TBC1D1: variants seen among roughly 807,000 people sequenced by gnomAD.
TBC1D1 encodes the protein TBC1 (tre-2/USP6, BUB2, cdc16) domain family, member 1.
A neutral mutation model predicts 125.6 loss-of-function variants in TBC1D1; 89 were observed. That is an observed-to-expected ratio of 0.71 (90% confidence interval 0.60 to 0.85). The LOEUF is 0.85. Ranked by LOEUF, TBC1D1 falls within the 40% of genes least tolerant of loss-of-function variation. The probability of loss-of-function intolerance (pLI) is 0.00; values close to 1 mark genes in which losing one functional copy is unlikely to be tolerated. For missense variants in TBC1D1, 1,377 were observed against 1,469.2 expected (o/e 0.94, Z 1.03); for synonymous variants, 565 against 564.1 (o/e 1.00, Z -0.02).
chr4:38,093,497 G>A (rs578041158), intron 13 of TBC1D1, among the ~76,000 whole-genome samples: 1 of 150,350 alleles, frequency 6.7e-6, no homozygotes, highest in African/African-American at 2.4e-5. Flanking sequence ...GTCCTCCACC[G>A]TCCTCCTCTG....
chr4:37,912,304 T>G (rs1460084053), intron 2 of TBC1D1, among the ~76,000 whole-genome samples: 2 of 152,220 alleles, frequency 1.3e-5, no homozygotes, highest in Non-Finnish European at 2.9e-5. Context: ...ACTGGCAGTT[T>G]CCCAGGCCAA....
chr4:37,932,386 CAT>C (rs1723443007), intron 2 of TBC1D1, among the ~76,000 whole-genome samples: 1 of 152,122 alleles, frequency 6.6e-6, no homozygotes, highest in South Asian at 2.1e-4. Flanking sequence ...GACTGGAAGT[CAT>C]ATGAAATTTT....
At chr4:37,989,577 C>G (rs1736136328) in intron 2 of TBC1D1, among the ~76,000 whole-genome samples, 1 of 152,208 alleles carries the variant, frequency 6.6e-6, no homozygotes, top group African/African-American at 2.4e-5. Flanking sequence ...GAGATTGATT[C>G]TTTTTGCTGA....
intron 2 of TBC1D1, among the ~76,000 whole-genome samples, chr4:37,933,868 T>TG (rs1261623955): frequency 2.6e-5 from 4 of 152,032 alleles, no homozygotes; most frequent in African/African-American, 9.7e-5. Flanking sequence ...CTTGTTAATT[T>TG]GGGGAAAAAA....
chr4:37,917,661 G>T (rs568871860), intron 2 of TBC1D1, among the ~76,000 whole-genome samples: 1 of 152,260 alleles, frequency 6.6e-6, no homozygotes, highest in East Asian at 1.9e-4. Context: ...AACCCCTAGA[G>T]AGTTTGGGAT....
In TBC1D1 at chr4:37,972,128, T is replaced by G. The variant is rs988819322; in HGVS notation, c.418-42381T>G. Among the ~76,000 whole-genome samples, 77 of 152,312 alleles carry G rather than the reference T, an allele frequency of 5.1e-4. 2 individuals carry two copies. Among genetic ancestry groups the G allele is most frequent in the Non-Finnish European group, 3.7e-4 (25 of 68,024 alleles). On this transcript the variant is annotated intron_variant, in intron 2 of 19. Coordinates refer to ENST00000261439, the MANE Select transcript of TBC1D1 (RefSeq NM_015173.4). ...ATCAGTGTCTTTGAGCAATGACTAT[T>G]CTGTCTGCAGAGGTTCTCAATTCTG...
In TBC1D1 at chr4:38,020,690, G is replaced by A; in HGVS notation, c.1072G>A (p.Ala358Thr). Residue 358 changes from alanine to threonine, a missense_variant, in exon 5 of 20, where the codon GCT becomes ACT. Physicochemically the swap from Ala to Thr is moderately conservative, Grantham distance 58 (BLOSUM62 0). Around this residue, in one of 3 missense-constraint regions of TBC1D1, gnomAD observed 822 missense variants for 824.6 expected, o/e 1.00. Coordinates refer to ENST00000261439, the MANE Select transcript of TBC1D1 (RefSeq NM_015173.4). ...TTACGTGTTTCAGTGCACAAATGAG[G>A]CTCTGGTGAGAGAGGACAAGCAATT... The A allele has an allele frequency of 1.2e-6, 2 of 1,611,500 alleles. No homozygotes were observed.
intron 12 of TBC1D1, among the ~76,000 whole-genome samples, chr4:38,085,442 G>A (rs899152214): frequency 3.3e-5 from 5 of 152,218 alleles, no homozygotes; most frequent in Non-Finnish European, 7.3e-5. Context: ...TTATAAATAT[G>A]CCTGTCAGTG....
chr4:38,114,657 G>A (rs60315483), intron 15 of TBC1D1, among the ~76,000 whole-genome samples: 6,050 of 152,294 alleles, frequency 0.04, 178 homozygotes, highest in East Asian at 0.12. Context: ...TCACATTCCA[G>A]AGGAGGAGGA....
chr4:37,970,223 T>A (rs1287360913), intron 2 of TBC1D1, among the ~76,000 whole-genome samples: 1 of 152,260 alleles, frequency 6.6e-6, no homozygotes, highest in Non-Finnish European at 1.5e-5. Context: ...CATTTTTACA[T>A]GGGCATATAT....
Position 37,903,128 on chromosome 4 carries a change from G to A in TBC1D1, c.417+616G>A, listed in dbSNP as rs189737650. ...TGGATATGCATCTAAGTTTTGATGC[G>A]ATCAGGGGTTCTTTGTGTTTTTTTC... On this transcript the variant is annotated intron_variant, in intron 2 of 19. Coordinates refer to ENST00000261439, the MANE Select transcript of TBC1D1 (RefSeq NM_015173.4). Among the ~76,000 whole-genome samples the A allele has an allele frequency of 2.2e-4, 34 of 152,276 alleles. No homozygotes were observed. The East Asian group carries it at 5.0e-3, about 22-fold the overall frequency.
rs1296031989 is a variant in TBC1D1, at chr4:38,137,645, CTG to C, written c.*314_*315del. On this transcript the variant is annotated 3_prime_UTR_variant, in exon 20 of 20. Transcript: ENST00000261439. ...CTTGTTGGTTCCTTTTTGAGTGTCACTGTGTTTGTAAAGAGCATTCACAATAC... is the reference window on the plus strand; with the variant it reads ...CTTGTTGGTTCCTTTTTGAGTGTCACTGTTTGTAAAGAGCATTCACAATAC... 2 of 297,470 alleles carry C rather than the reference CTG, an allele frequency of 6.7e-6. No homozygotes were observed. The highest frequency in any genetic ancestry group is 4.3e-5 in the African/African-American group (2 of 46,472). The allele number at this position is 297,470 out of a possible 1,614,324, so 18.4% of individuals were successfully genotyped here. A position where few individuals can be genotyped will look rare whatever the true frequency, so the allele number is the denominator to read the frequency against.
At chr4:37,911,577 G>A (rs576773326) in intron 2 of TBC1D1, among the ~76,000 whole-genome samples, 8 of 152,204 alleles carry the variant, frequency 5.3e-5, no homozygotes, top group South Asian at 2.1e-4. Context: ...TTTCCTGGCC[G>A]CTTTTATTCT....
intron 14 of TBC1D1, among the ~76,000 whole-genome samples, chr4:38,101,646 T>C (rs1020009784): frequency 6.6e-6 from 1 of 152,194 alleles, no homozygotes; most frequent in Non-Finnish European, 1.5e-5. Context: ...GCCTCTGGGC[T>C]CTTCTTGCAG....
chr4:38,112,070 A>T (rs1762285557), intron 15 of TBC1D1: 1 of 985,342 alleles, frequency 1.0e-6, no homozygotes, highest in African/African-American at 1.7e-5. Flanking sequence ...ACAGTTTCTG[A>T]AACTGCATCC....
At chr4:37,965,059 A>G (rs758540703) in intron 2 of TBC1D1, among the ~76,000 whole-genome samples, 109 of 152,250 alleles carry the variant, frequency 7.2e-4, no homozygotes, top group Non-Finnish European at 1.1e-3. Context: ...CACTGTGCCT[A>G]GGTGAGGCCT....
chr4:38,018,298 A>G (rs1743254083), intron 3 of TBC1D1, 56 bp from the exon 4 acceptor site: 1 of 1,259,076 alleles, frequency 7.9e-7, no homozygotes, highest in Non-Finnish European at 1.1e-6. Flanking sequence ...CTTTATTTTC[A>G]TAGGTCATGA....
chr4:38,100,315 G>A (rs976287511), intron 14 of TBC1D1, among the ~76,000 whole-genome samples: 9 of 152,212 alleles, frequency 5.9e-5, no homozygotes, highest in East Asian at 1.9e-4. Context: ...AAACCATGCC[G>A]TTAGCTTGTC....
intron 15 of TBC1D1, chr4:38,110,780 T>C: frequency 3.0e-6 from 3 of 985,470 alleles, no homozygotes; most frequent in Non-Finnish European, 3.6e-6. Flanking sequence ...CATATCCTGA[T>C]AGATTTGTAG....
Sources: gnomAD v4.1 joint callset for allele counts (sites outside exome capture counted in the v4.1 genomes callset) on GRCh38, gnomAD v4.1.1 for gene constraint, gnomAD v4.1.1 regional missense constraint, MANE v1.5 for transcripts, NCBI Gene and HGNC (gene_info 2026-07-23, HGNC 2026-07-21) for gene names.